The following ZNF415 variants were observed in gnomAD, a reference collection of about 807,000 sequenced individuals.
ZNF415 encodes the protein zinc finger protein 415.
In ZNF415, 5 loss-of-function variants were observed where a neutral mutation model predicts 7.3. The observed-to-expected ratio is 0.69, with a 90% CI of 0.36 to 1.44. ZNF415 has a LOEUF of 1.44. Among genes scored for constraint, ZNF415 ranks in the 40% most tolerant of loss-of-function variants. ZNF415 has a pLI of 0.04. For missense variants in ZNF415, 628 were observed against 664.8 expected, an observed-to-expected ratio of 0.94 and a Z score of 0.61; for synonymous variants, 207 against 226.3, an observed-to-expected ratio of 0.91 and a Z score of 0.77.
intron 1 of ZNF415, among the ~76,000 whole-genome samples, chr19:53,126,522 TGA>T (rs1264793880): frequency 7.3e-6 from 1 of 137,294 alleles, no homozygotes; most frequent in African/African-American, 2.5e-5. Context: ...CTGCAGGAAG[TGA>T]GAGTCTGAAC....
At chr19:53,124,828 A>G (rs1029602942) in intron 1 of ZNF415, among the ~76,000 whole-genome samples, 5 of 152,180 alleles carry the variant, frequency 3.3e-5, no homozygotes, top group African/African-American at 1.2e-4. Context: ...ATCTCCAGAG[A>G]CAAGGTGCAG....
rs550579622 is a variant in ZNF415 at position 53,116,675 on chromosome 19, G to A, written c.16-242C>T. Among the ~76,000 whole-genome samples, 3 of 149,734 alleles carry A rather than the reference G, an allele frequency of 2.0e-5. No homozygotes were observed. In the Admixed American group the frequency reaches 2.0e-4, roughly 10 times the overall value. On this transcript the variant is annotated intron_variant, in intron 2 of 3. Transcript: ENST00000243643. Reference sequence around the variant, plus strand: ...CTGCTGCCCAGGCTGAAGTGCAGTGGCATGATCATGGCTCACTGCAGACTC... The same window carrying A: ...CTGCTGCCCAGGCTGAAGTGCAGTGACATGATCATGGCTCACTGCAGACTC...
chr19:53,110,364 T>C (rs1193629124), intron 3 of ZNF415, among the ~76,000 whole-genome samples: 1 of 152,080 alleles, frequency 6.6e-6, no homozygotes, highest in Non-Finnish European at 1.5e-5. Flanking sequence ...ACTTACGGAA[T>C]AAGTAAGATA....
At chr19:53,131,561 T>C (rs2090076201) in intron 1 of ZNF415, among the ~76,000 whole-genome samples, 1 of 152,062 alleles carries the variant, frequency 6.6e-6, no homozygotes. Context: ...CCTCCCTCGT[T>C]CCGTACATCG....
Position 53,109,649 on chromosome 19 carries a change from G to C in ZNF415, c.396C>G (p.Asn132Lys). ...ATCCAAGCTGATGTTTAATAGACTT[G>C]TTTCCTATACCTCTTCTATCGCGTT... ...RDQRDRRGIG[N>K]KSIKHQLGLS... is the part of the protein sequence containing the mutation. The change falls in exon 4 of 4, where the codon AAC (asparagine) becomes AAG (lysine). Residue 132 changes from asparagine to lysine, a missense_variant. Physicochemically the swap from Asn to Lys is moderately conservative, Grantham distance 94. Coordinates refer to ENST00000243643, the MANE Select transcript of ZNF415 (RefSeq NM_018355.4). The C allele has an allele frequency of 1.2e-6, 2 of 1,614,056 alleles. No homozygotes were observed. Among genetic ancestry groups the C allele is most frequent in the Non-Finnish European group, 1.7e-6 (2 of 1,180,014 alleles).
intron 2 of ZNF415, among the ~76,000 whole-genome samples, chr19:53,121,797 T>C (rs2088124107): frequency 6.6e-6 from 1 of 152,186 alleles, no homozygotes; most frequent in South Asian, 2.1e-4. Context: ...TACTGATGTC[T>C]GTATCTCAAC....
At chr19:53,132,591 G>C (rs2090235224) in intron 1 of ZNF415, among the ~76,000 whole-genome samples, 1 of 152,206 alleles carries the variant, frequency 6.6e-6, no homozygotes, top group South Asian at 2.1e-4. Flanking sequence ...TACACCTCTT[G>C]GGTGAAGACT....
intron 1 of ZNF415, chr19:53,124,398 G>T (rs919542392): frequency 6.6e-6 from 1 of 151,926 alleles, no homozygotes; most frequent in African/African-American, 2.4e-5. Context: ...GGAGACGAGA[G>T]AGAGAGAGAG....
At chr19:53,117,875 C>T (rs916380194) in intron 2 of ZNF415, among the ~76,000 whole-genome samples, 5 of 152,100 alleles carry the variant, frequency 3.3e-5, no homozygotes, top group Admixed American at 6.6e-5. Flanking sequence ...CACCAAACCA[C>T]AATGAAAAAC....
At chr19:53,116,081 C>A (rs1056024350) in intron 3 of ZNF415, 12 of 617,072 alleles carry the variant, frequency 1.9e-5, no homozygotes, top group Non-Finnish European at 3.4e-5. Flanking sequence ...CTACCATAAG[C>A]TTTCATGGAT....
At chr19:53,129,111 G>A (rs71363305) in intron 1 of ZNF415, among the ~76,000 whole-genome samples, 37 of 152,146 alleles carry the variant, frequency 2.4e-4, no homozygotes, top group Non-Finnish European at 3.8e-4. Flanking sequence ...ACAGGGTCAC[G>A]ATCATTTAGG....
chr19:53,117,031 A>G (rs1341699073), intron 2 of ZNF415, among the ~76,000 whole-genome samples: 1 of 152,206 alleles, frequency 6.6e-6, no homozygotes, highest in Admixed American at 6.5e-5. Context: ...AAACTTCCTA[A>G]GTATAGTAAA....
chr19:53,109,866 T>C lies in ZNF415; in HGVS notation c.179A>G (p.Gln60Arg). Residue 60 changes from glutamine to arginine, a missense_variant, in exon 4 of 4, where the codon CAG (glutamine) becomes CGG (arginine). Coordinates refer to ENST00000243643, the MANE Select transcript of ZNF415 (RefSeq NM_018355.4). The stretch of plus-strand genomic sequence containing the variant: ...GAATACTTCTCCTGGGTTACCTTCC[T>C]GTTGTGGTGCTAGTTCCTTGATTAC... ...NCVIKELAPQ[Q>R]EGNPGEVFHT... The C allele has an allele frequency of 1.9e-6, 3 of 1,608,166 alleles. No homozygotes were observed. The highest frequency in any genetic ancestry group is 2.5e-6 in the Non-Finnish European group (3 of 1,178,264).
At chr19:53,126,490 G>A (rs867273296) in intron 1 of ZNF415, among the ~76,000 whole-genome samples, 6 of 136,750 alleles carry the variant, frequency 4.4e-5, no homozygotes, top group Admixed American at 7.7e-5. Flanking sequence ...TGGGTCTTGC[G>A]TGGGGCAAAC....
At position 53,108,305 on chromosome 19, in the gene ZNF415, G is replaced by A. The variant is rs1291307974; in HGVS notation, c.*72C>T. On this transcript the variant is annotated 3_prime_UTR_variant, in exon 4 of 4. Coordinates refer to ENST00000243643, the MANE Select transcript of ZNF415 (RefSeq NM_018355.4). The stretch of plus-strand genomic sequence containing the variant: ...AAACCTTGCCACATTTATTATACTT[G>A]TATGGTTTCTCTCTGATATAAATTC... 6 of 1,416,076 alleles carry A rather than the reference G, an allele frequency of 4.2e-6. No individual in the cohort carries two copies. Among genetic ancestry groups the A allele is most frequent in the South Asian group, 1.4e-5 (1 of 72,004 alleles). 87.7% of individuals were successfully genotyped at this position (1,416,076 alleles called of 1,614,324 possible).
intron 1 of ZNF415, among the ~76,000 whole-genome samples, chr19:53,130,770 T>C (rs889555117): frequency 6.6e-6 from 1 of 152,148 alleles, no homozygotes; most frequent in Admixed American, 6.5e-5. Context: ...CTCAGCCTCC[T>C]GAGTAGCTGG....
At chr19:53,123,953 G>A (rs2088586138) in intron 1 of ZNF415, 1 of 166,364 alleles carries the variant, frequency 6.0e-6, no homozygotes, top group African/African-American at 2.4e-5. Flanking sequence ...AAGTTGAGGA[G>A]AAGGCTAGGC....
chr19:53,117,424 A>G (rs1392089325), intron 2 of ZNF415, among the ~76,000 whole-genome samples: 1 of 151,210 alleles, frequency 6.6e-6, no homozygotes, highest in Non-Finnish European at 1.5e-5. Context: ...CTGGGCAACA[A>G]GGGCGAAATT....
intron 1 of ZNF415, among the ~76,000 whole-genome samples, chr19:53,125,341 CT>C (rs879871501): frequency 2.2e-3 from 313 of 141,970 alleles, no homozygotes; most frequent in East Asian, 2.7e-3. Flanking sequence ...CGCGCCTGGC[CT>C]TTTTTTTTTT....
Sources: allele counts gnomAD v4.1 joint callset (sites outside exome capture counted in the v4.1 genomes callset), GRCh38; gene constraint gnomAD v4.1.1; transcripts MANE v1.5; gene names NCBI Gene and HGNC (gene_info 2026-07-23, HGNC 2026-07-21).